Variants in SPEN observed in about 807,000 individuals in gnomAD.
The protein encoded by SPEN is msx2-interacting protein.
A neutral mutation model predicts 269.9 loss-of-function variants in SPEN; 18 were observed. That is an observed-to-expected ratio of 0.07 (90% CI 0.05 to 0.10). The LOEUF (loss-of-function observed/expected upper bound fraction) is 0.10. Among genes scored for constraint, SPEN ranks in the 10% least tolerant of loss-of-function variants. The pLI is 1.00. For synonymous variants in SPEN, 1,726 were observed against 1,765.7 expected (o/e 0.98, Z 0.56); for missense variants, 3,822 against 4,631.2 (o/e 0.83, Z 5.07).
rs1362193717 is a variant in SPEN, at chr1:15,919,043, C to T, written c.1513C>T (p.Arg505Cys). ...GGATGGGGAATATCTTGGAAATAATCGCCTCAAGGTAAATGAATTTGCATA... is the reference window on the plus strand; with the variant it reads ...GGATGGGGAATATCTTGGAAATAATTGCCTCAAGGTAAATGAATTTGCATA... Reference protein sequence around the residue: ...KMDGEYLGNNRLKLGFGKSMP... With the variant: ...KMDGEYLGNNCLKLGFGKSMP... The change falls in exon 7 of 15, where the codon CGC (arginine) becomes TGC (cysteine). Residue 505 changes from arginine to cysteine, a missense_variant. Coordinates refer to ENST00000375759, the MANE Select transcript of SPEN (RefSeq NM_015001.3). 6.2e-7 allele frequency: 1 copy of T among 1,610,856 alleles called. No individual in the cohort carries two copies. The highest frequency in any genetic ancestry group is 8.5e-7 in the Non-Finnish European group (1 of 1,178,946).
chr1:15,933,455 T>C lies in SPEN; in HGVS notation c.7215T>C (p.Ile2405=). ...CATGTACTTCTGACCTAAGCAAGAT[T>C]CCCTCCACAGAGAATTCGTCCCAAG... is the stretch of plus-strand genomic sequence containing the variant. ...PQSCTSDLSK[I]PSTENSSQEI... is the part of the protein sequence containing the mutation. Residue 2405 remains isoleucine, a synonymous_variant, in exon 11 of 15, where the codon ATT becomes ATC. Coordinates refer to ENST00000375759, the MANE Select transcript of SPEN (RefSeq NM_015001.3). This position sits in a 1 kb window ranked among gnomAD's most constrained non-coding sequence, Gnocchi z 5.7. 1 of 1,613,916 alleles carries C rather than the reference T, an allele frequency of 6.2e-7. No homozygotes were observed. Among genetic ancestry groups the C allele is most frequent in the Non-Finnish European group, 8.5e-7 (1 of 1,179,988 alleles).
At chr1:15,849,696 A>T (rs2070314155) in intron 1 of SPEN, among the ~76,000 whole-genome samples, 1 of 152,142 alleles carries the variant, frequency 6.6e-6, no homozygotes, top group African/African-American at 2.4e-5. Flanking sequence ...ATTGGGAAGC[A>T]GATGGGAACT....
rs2071306124 is a variant in SPEN, at chr1:15,938,790, G to A, written c.10777G>A (p.Glu3593Lys). The change falls in exon 14 of 15, where the codon GAG becomes AAG. Residue 3593 changes from glutamate (E) to lysine (K), a missense_variant. Physicochemically the swap from Glu to Lys is moderately conservative, Grantham distance 56 (BLOSUM62 1). Coordinates refer to ENST00000375759, the MANE Select transcript of SPEN (RefSeq NM_015001.3). ...CCAAGAGGATGTTGTGAGCCAGACCGAGTCCCTCAAGGCTGCCTTCATCAC... is the reference window on the plus strand; with the variant it reads ...CCAAGAGGATGTTGTGAGCCAGACCAAGTCCCTCAAGGCTGCCTTCATCAC... ...RDQEDVVSQT[E>K]SLKAAFITYL... is the part of the protein sequence containing the mutation. 3.1e-6 allele frequency: 5 copies of A among 1,614,024 alleles called. No homozygotes were observed. Among genetic ancestry groups the A allele is most frequent in the East Asian group, 2.2e-5 (1 of 44,842 alleles).
At chr1:15,899,143 A>G (rs2070873630) in intron 3 of SPEN, among the ~76,000 whole-genome samples, 1 of 152,000 alleles carries the variant, frequency 6.6e-6, no homozygotes, top group Non-Finnish European at 1.5e-5. Context: ...AAGGGTTCCA[A>G]TTTCTTCACA....
chr1:15,916,479 C>T (rs2071068215), intron 6 of SPEN, among the ~76,000 whole-genome samples, 200 bp downstream of exon 6: 2 of 150,130 alleles, frequency 1.3e-5, no homozygotes, highest in Admixed American at 6.6e-5. Flanking sequence ...TAATATATGT[C>T]CTTTGTTTAC....
Position 15,929,888 on chromosome 1 carries a change from A to G in SPEN, c.3648A>G (p.Gln1216=), listed in dbSNP as rs144312718. ...TTCACGAGGTAGGCAAACCCCCTCA[A>G]GATGTCACTGATGACTCTCCTCCTA... ...SLVHEVGKPP[Q]DVTDDSPPSK... is the part of the protein sequence containing the mutation. Residue 1216 remains glutamine (Q), a synonymous_variant, in exon 11 of 15, where the codon CAA becomes CAG. Coordinates refer to ENST00000375759, the MANE Select transcript of SPEN (RefSeq NM_015001.3). This position sits in a 1 kb window ranked among gnomAD's most constrained non-coding sequence, Gnocchi z 5.8. 6.6e-5 allele frequency: 106 copies of G among 1,614,202 alleles called. 2 individuals are homozygous for G. In the Middle Eastern group the frequency reaches 8.2e-4, roughly 13 times the overall value.
rs1352547675 is a variant in SPEN at position 15,936,056 on chromosome 1, T to C, written c.9816T>C (p.Val3272=). Residue 3272 remains valine, a synonymous_variant, in exon 11 of 15, where the codon GTT becomes GTC. Transcript: ENST00000375759. ...APHGEARILT[V]TPSNQLQGLP... ...ATGGTGAGGCCCGTATCCTCACAGT[T>C]ACCCCCAGTAACCAACTCCAGGGGC... 9 of 1,590,180 alleles carry C rather than the reference T, an allele frequency of 5.7e-6. No individual in the cohort carries two copies. Among genetic ancestry groups the C allele is most frequent in the Non-Finnish European group, 7.7e-6 (9 of 1,165,528 alleles).
In SPEN at chr1:15,931,138, C is replaced by T. The variant is rs545411028; in HGVS notation, c.4898C>T (p.Thr1633Ile). ...GAGAATAAAGATTCAGAACTGAAAACTCCACCTTCCGTTGGGCCTCCAAGT... is the reference window on the plus strand; with the variant it reads ...GAGAATAAAGATTCAGAACTGAAAATTCCACCTTCCGTTGGGCCTCCAAGT... ...APENKDSELKTPPSVGPPSVT... is the reference protein window; with the variant it reads ...APENKDSELKIPPSVGPPSVT... Residue 1633 changes from threonine to isoleucine, a missense_variant, in exon 11 of 15, where the codon ACT becomes ATT. This residue lies in a region of SPEN where 533 missense variants were observed against 618.8 expected (regional missense o/e 0.86). Coordinates refer to ENST00000375759, the MANE Select transcript of SPEN (RefSeq NM_015001.3). The surrounding 1 kb of genome is among the most constrained non-coding windows in gnomAD (Gnocchi z 4.8). 14 of 1,614,222 alleles carry T rather than the reference C, an allele frequency of 8.7e-6. 2 individuals are homozygous for T. In the South Asian group the frequency reaches 1.3e-4, roughly 15 times the overall value.
At position 15,918,476 on chromosome 1, in the gene SPEN, C is replaced by T. The variant is rs181452570; in HGVS notation, c.1396-450C>T. On this transcript the variant is annotated intron_variant, in intron 6 of 14. Transcript: ENST00000375759. ...TCAAGTGATCCGCCCGCCTCCACCT[C>T]CCAAAGTGCTAGGATTACAGGCGTG... Among the ~76,000 whole-genome samples the T allele has an allele frequency of 7.3e-3, 1,107 of 152,372 alleles. 15 individuals carry two copies. Among genetic ancestry groups the T allele is most frequent in the African/African-American group, 0.025 (1,024 of 41,592 alleles).
rs778176851 is a variant in SPEN, at chr1:15,937,189, GCAGCCTCCT to G, written c.10060_10068del (p.Pro3354_Pro3356del). On this transcript the variant is annotated inframe_deletion, in exon 12 of 15. Transcript: ENST00000375759. The surrounding 1 kb of genome is among the most constrained non-coding windows in gnomAD (Gnocchi z 5.7). The stretch of plus-strand genomic sequence containing the variant: ...GCCCTCCTCCTGAAGGTGAGCCCCT[GCAGCCTCCT>G]CAGCCTGTGCAGTCCACACAGCCTG... 2 of 1,612,816 alleles carry G rather than the reference GCAGCCTCCT, an allele frequency of 1.2e-6. No individual in the cohort carries two copies. Among genetic ancestry groups the G allele is most frequent in the Admixed American group, 3.3e-5 (2 of 59,956 alleles).
intron 8 of SPEN, among the ~76,000 whole-genome samples, chr1:15,920,357 T>G (rs571882028): frequency 6.6e-6 from 1 of 152,234 alleles, no homozygotes; most frequent in Admixed American, 6.5e-5. Flanking sequence ...GCACTGCGCC[T>G]GGCAGACAAT....
chr1:15,904,480 G>GAAAA (rs1570030262), intron 3 of SPEN, among the ~76,000 whole-genome samples: 2 of 75,052 alleles, frequency 2.7e-5, no homozygotes, highest in Admixed American at 1.7e-4. Context: ...AAAAAAAAGT[G>GAAAA]AACTAAAAAC....
chr1:15,853,425 G>A (rs532172056), intron 1 of SPEN, among the ~76,000 whole-genome samples: 1 of 151,772 alleles, frequency 6.6e-6, no homozygotes, highest in East Asian at 2.0e-4. Context: ...GACCTCAGGC[G>A]ACCCACCTGC....
chr1:15,873,842 T>TA (rs1203281198), intron 2 of SPEN: 1 of 1,060,990 alleles, frequency 9.4e-7, no homozygotes, highest in African/African-American at 1.7e-5. Flanking sequence ...ATTGCTGGGA[T>TA]ATATGGGATG....
At chr1:15,862,500 G>C (rs1236785080) in intron 1 of SPEN, among the ~76,000 whole-genome samples, 1 of 151,934 alleles carries the variant, frequency 6.6e-6, no homozygotes, top group Non-Finnish European at 1.5e-5. Flanking sequence ...TTTTTTCCAA[G>C]ATTGTCTAAA....
Position 15,929,004 on chromosome 1 carries a change from A to G in SPEN, c.2764A>G (p.Thr922Ala). The change falls in exon 11 of 15, where the codon ACG becomes GCG. Residue 922 changes from threonine (T) to alanine (A), a missense_variant. By Grantham distance (58) the Thr-to-Ala change is moderately conservative. This residue lies in a region of SPEN where 572 missense variants were observed against 582.6 expected (regional missense o/e 0.98). Transcript: ENST00000375759. The surrounding 1 kb of genome is among the most constrained non-coding windows in gnomAD (Gnocchi z 5.8). ...ALDQKLQVSQTEPAKSDLSKL... is the reference protein window; with the variant it reads ...ALDQKLQVSQAEPAKSDLSKL... ...GGACCAGAAACTTCAGGTCTCTCAG[A>G]CGGAGCCTGCAAAATCTGACTTGTC... 6.2e-7 allele frequency: 1 copy of G among 1,614,240 alleles called. No homozygotes were observed. The highest frequency in any genetic ancestry group is 1.3e-5 in the African/African-American group (1 of 75,050).
chr1:15,863,490 G>T (rs1279674880), intron 1 of SPEN, among the ~76,000 whole-genome samples: 1 of 152,052 alleles, frequency 6.6e-6, no homozygotes, highest in African/African-American at 2.4e-5. Flanking sequence ...CTTATTCTTG[G>T]TCTTAACATT....
In SPEN at chr1:15,936,150, C is replaced by A. The variant is rs2071272972; in HGVS notation, c.9910C>A (p.Gln3304Lys). ...TGTGCACTCCAGCGGGGAGCTGTTT[C>A]AAGAGTACCGGTACGGCGACATCCG... is the stretch of plus-strand genomic sequence containing the variant. Reference protein sequence around the residue: ...QIVHSSGELFQEYRYGDIRTY... With the variant: ...QIVHSSGELFKEYRYGDIRTY... Residue 3304 changes from glutamine (Q) to lysine (K), a missense_variant, in exon 11 of 15, where the codon CAA becomes AAA. By Grantham distance (53) the Gln-to-Lys change is moderately conservative (BLOSUM62 1). Transcript: ENST00000375759. 1 of 1,610,932 alleles carries A rather than the reference C, an allele frequency of 6.2e-7. No homozygotes were observed. Among genetic ancestry groups the A allele is most frequent in the Admixed American group, 1.7e-5 (1 of 59,836 alleles).
At chr1:15,916,510 C>CTT (rs34713584) in intron 6 of SPEN, among the ~76,000 whole-genome samples, 37 of 113,544 alleles carry the variant, frequency 3.3e-4, no homozygotes, top group Admixed American at 4.7e-4. Context: ...TTTCTTACCT[C>CTT]TTTTTTTTTT....
Sources: allele counts gnomAD v4.1 joint callset (sites outside exome capture counted in the v4.1 genomes callset), GRCh38; gene constraint gnomAD v4.1.1; regional missense constraint gnomAD v4.1.1; non-coding constraint Gnocchi (gnomAD v3.1); transcripts MANE v1.5; gene names NCBI Gene and HGNC (gene_info 2026-07-23, HGNC 2026-07-21).